MYCBP2: variants seen among roughly 807,000 people sequenced by gnomAD.
MYCBP2 encodes the protein E3 ubiquitin-protein ligase MYCBP2.
In MYCBP2, 120 loss-of-function variants were observed where a neutral mutation model predicts 525.3. The observed-to-expected ratio is 0.23, with a 90% CI of 0.20 to 0.27. The LOEUF (loss-of-function observed/expected upper bound fraction) is 0.27, where lower values mean the gene tolerates loss of function less well. Among genes scored for constraint, MYCBP2 ranks in the 10% least tolerant of loss-of-function variants. The pLI is 1.00. For missense variants in MYCBP2, 4,149 were observed against 5,657.1 expected, an observed-to-expected ratio of 0.73 and a Z score of 8.55; for synonymous variants, 1,894 against 1,955.8, an observed-to-expected ratio of 0.97 and a Z score of 0.83.
intron 59 of MYCBP2, among the ~76,000 whole-genome samples, chr13:77,091,429 C>CAAAA (rs770244232): frequency 1.5e-5 from 2 of 129,092 alleles, no homozygotes; most frequent in African/African-American, 5.7e-5. Flanking sequence ...GACTTTTTAC[C>CAAAA]AAAAAAAAAA....
In MYCBP2 at chr13:77,190,253, T is replaced by C. The variant is rs1349980709; in HGVS notation, c.4153A>G (p.Arg1385Gly). 1 of 1,579,020 alleles carries C rather than the reference T, an allele frequency of 6.3e-7. No individual in the cohort carries two copies. The highest frequency in any genetic ancestry group is 8.7e-7 in the Non-Finnish European group (1 of 1,150,538). ...ATTCAGTATAAATATGCTAAATACC[T>C]GTATAATAACTGAGGTATCTGACCC... ...NAGQIPQLLY[R>G]LPTSDGSASK... is the part of the protein sequence containing the mutation. The change falls in exon 29 of 83, where the codon AGA (arginine) becomes GGA (glycine). Residue 1385 changes from arginine to glycine, a missense_variant and splice_region_variant. Coordinates refer to ENST00000544440, the MANE Select transcript of MYCBP2 (RefSeq NM_015057.5).
rs1423511356 is a variant in MYCBP2, at chr13:77,190,353, T to C, written c.4071-18A>G. ...AAACAACCCTAAGAAGAGAAAACAATGATACCAAAAACAACATGATCATTA... is the reference window on the plus strand; with the variant it reads ...AAACAACCCTAAGAAGAGAAAACAACGATACCAAAAACAACATGATCATTA... On this transcript the variant is annotated intron_variant, in intron 28 of 82. Coordinates refer to ENST00000544440, the MANE Select transcript of MYCBP2 (RefSeq NM_015057.5). 2 of 1,456,038 alleles carry C rather than the reference T, an allele frequency of 1.4e-6. No individual in the cohort carries two copies. Among genetic ancestry groups the C allele is most frequent in the South Asian group, 1.2e-5 (1 of 84,622 alleles). 90.2% of individuals were successfully genotyped at this position (1,456,038 alleles called of 1,614,324 possible).
At chr13:77,276,661 T>G (rs1053149777) in intron 4 of MYCBP2, among the ~76,000 whole-genome samples, 8 of 151,720 alleles carry the variant, frequency 5.3e-5, no homozygotes, top group African/African-American at 9.7e-5. Flanking sequence ...TGGGATTTTT[T>G]GGGGGTTTTT....
chr13:77,247,853 A>G (rs1222388789), intron 15 of MYCBP2, among the ~76,000 whole-genome samples: 2 of 152,164 alleles, frequency 1.3e-5, no homozygotes, highest in Non-Finnish European at 2.9e-5. Flanking sequence ...GGAAAACTTG[A>G]TCTGGACACT....
At chr13:77,238,242 C>CAAAA (rs772175406) in intron 17 of MYCBP2, among the ~76,000 whole-genome samples, 29 of 28,216 alleles carry the variant, frequency 1.0e-3, no homozygotes, top group African/African-American at 1.6e-3. Flanking sequence ...GACTCCGTCT[C>CAAAA]AAAAAAAAAA....
rs145047601 is a variant in MYCBP2 at position 77,304,564 on chromosome 13, A to G, written c.303-7890T>C. Among the ~76,000 whole-genome samples the G allele has an allele frequency of 5.3e-5, 8 of 152,292 alleles. No homozygotes were observed. In the East Asian group the frequency reaches 1.5e-3, roughly 29 times the overall value. ...CCACAGGGTGACTATCATAAACAACAATGTATTATACAACTTCAAACAGCT... is the reference window on the plus strand; with the variant it reads ...CCACAGGGTGACTATCATAAACAACGATGTATTATACAACTTCAAACAGCT... On this transcript the variant is annotated intron_variant, in intron 1 of 82. Transcript: ENST00000544440.
At chr13:77,053,381 A>G (rs1397678304) in intron 80 of MYCBP2, among the ~76,000 whole-genome samples, 1 of 152,228 alleles carries the variant, frequency 6.6e-6, no homozygotes, top group African/African-American at 2.4e-5. Flanking sequence ...ATTGTCTCAT[A>G]GTCAAAAAGC....
intron 62 of MYCBP2, among the ~76,000 whole-genome samples, chr13:77,084,495 A>G (rs1006264713): frequency 6.6e-6 from 1 of 152,100 alleles, no homozygotes; most frequent in African/African-American, 2.4e-5. Context: ...TTACAGGGAG[A>G]TAGCAGGCCA....
At chr13:77,105,005 G>C (rs895555023) in intron 55 of MYCBP2, among the ~76,000 whole-genome samples, 1 of 152,128 alleles carries the variant, frequency 6.6e-6, no homozygotes, top group Non-Finnish European at 1.5e-5. Flanking sequence ...TAAGGAGTTT[G>C]CAGCTATTGT....
intron 1 of MYCBP2, among the ~76,000 whole-genome samples, chr13:77,306,118 T>C (rs1038046756): frequency 6.6e-6 from 1 of 152,178 alleles, no homozygotes; most frequent in African/African-American, 2.4e-5. Flanking sequence ...ATTATATTTA[T>C]AGAAAATACA....
intron 52 of MYCBP2, 68 bp from the exon 53 acceptor site, chr13:77,126,610 T>C: frequency 8.4e-7 from 1 of 1,193,316 alleles, no homozygotes; most frequent in Non-Finnish European, 1.2e-6. Flanking sequence ...AGCCTTCCTA[T>C]TAATAGCTTT....
chr13:77,307,102 G>C (rs1241102956), intron 1 of MYCBP2, among the ~76,000 whole-genome samples: 4 of 152,036 alleles, frequency 2.6e-5, no homozygotes, highest in Non-Finnish European at 5.9e-5. Flanking sequence ...AAAGAATCTG[G>C]AATTCTTCAC....
At chr13:77,198,372 T>C (rs2061993801) in intron 26 of MYCBP2, among the ~76,000 whole-genome samples, 1 of 152,234 alleles carries the variant, frequency 6.6e-6, no homozygotes, top group South Asian at 2.1e-4. Flanking sequence ...TCAGTTCTGG[T>C]TGGGCCTCCA....
In MYCBP2 at chr13:77,217,964, T is replaced by TA. The variant is rs374242789; in HGVS notation, c.2940-8dup. 17,915 of 1,387,480 alleles carry TA rather than the reference T, an allele frequency of 0.013. No homozygotes were observed. Among genetic ancestry groups the TA allele is most frequent in the Non-Finnish European group, 0.014 (14,453 of 1,023,616 alleles). The allele number at this position is 1,387,480 out of a possible 1,614,324, so 85.9% of individuals were successfully genotyped here. The stretch of plus-strand genomic sequence containing the variant: ...AACAAGAGTGGGACATCCCCTAGGT[T>TA]AAAAAAAAAAAAAGTAAGTCAATTT... On this transcript the variant is annotated splice_region_variant and splice_polypyrimidine_tract_variant and intron_variant, in intron 20 of 82. Coordinates refer to ENST00000544440, the MANE Select transcript of MYCBP2 (RefSeq NM_015057.5).
chr13:77,276,765 C>G (rs1271238886), intron 4 of MYCBP2, among the ~76,000 whole-genome samples: 1 of 149,536 alleles, frequency 6.7e-6, no homozygotes, highest in Non-Finnish European at 1.5e-5. Context: ...CTCCTGGGCT[C>G]GAGCGGTCCT....
At chr13:77,217,981 AGTCAATTTCTTAC>A in intron 20 of MYCBP2, 24 bp from the exon 21 acceptor site, 2 of 1,482,496 alleles carry the variant, frequency 1.3e-6, no homozygotes, top group Non-Finnish European at 1.8e-6. Flanking sequence ...AAAAAAAGTA[AGTCAATTTCTTAC>A]AAAACTCAAC....
chr13:77,235,945 A>C (rs974953579), intron 17 of MYCBP2, among the ~76,000 whole-genome samples: 19 of 152,042 alleles, frequency 1.2e-4, no homozygotes, highest in African/African-American at 4.6e-4. Flanking sequence ...GAGAATAGAG[A>C]GAGATGAGGC....
intron 30 of MYCBP2, among the ~76,000 whole-genome samples, chr13:77,188,345 C>G (rs1162452060): frequency 6.6e-6 from 1 of 152,166 alleles, no homozygotes; most frequent in African/African-American, 2.4e-5. Flanking sequence ...CCAAAAACAT[C>G]TTACACCCCT....
chr13:77,090,361 G>T, intron 59 of MYCBP2, 98 bp from the exon 60 acceptor site: 1 of 1,000,530 alleles, frequency 1.0e-6, no homozygotes, highest in Non-Finnish European at 1.4e-6. Context: ...AATATTTCAT[G>T]TGGAGAAACA....
Sources: allele counts gnomAD v4.1 joint callset (sites outside exome capture counted in the v4.1 genomes callset), GRCh38; gene constraint gnomAD v4.1.1; transcripts MANE v1.5; gene names NCBI Gene and HGNC (gene_info 2026-07-23, HGNC 2026-07-21).